Variants in TAFA1 observed in about 807,000 individuals in gnomAD.
The protein encoded by TAFA1 is chemokine-like protein TAFA-1.
A neutral mutation model predicts 18.5 loss-of-function variants in TAFA1; 4 were observed. The observed-to-expected ratio is 0.22, with a 90% CI of 0.11 to 0.49. TAFA1 has a LOEUF of 0.49. TAFA1 is among the 20% of genes least tolerant of loss of function. The pLI is 0.98. For synonymous variants in TAFA1, 56 were observed against 55.2 expected, an observed-to-expected ratio of 1.01 and a Z score of -0.06; for missense variants, 147 against 169.0, an observed-to-expected ratio of 0.87 and a Z score of 0.72.
chr3:68,250,149 T>C (rs996765652), intron 2 of TAFA1, among the ~76,000 whole-genome samples: 6 of 151,974 alleles, frequency 3.9e-5, no homozygotes, highest in African/African-American at 1.4e-4. Flanking sequence ...TCATCCAGGG[T>C]GATGATTTTA....
intron 2 of TAFA1, among the ~76,000 whole-genome samples, chr3:68,019,000 A>G (rs756872229): frequency 6.6e-6 from 1 of 152,350 alleles, no homozygotes; most frequent in East Asian, 1.9e-4. Flanking sequence ...AATGTGCTTA[A>G]TAAGTATAAA....
At chr3:68,435,523 G>C (rs1238436695) in intron 3 of TAFA1, among the ~76,000 whole-genome samples, 1 of 152,138 alleles carries the variant, frequency 6.6e-6, no homozygotes, top group Admixed American at 6.6e-5. Context: ...GCTATTCATT[G>C]TACTTAGAGC....
At chr3:68,162,185 C>A (rs2065932868) in intron 2 of TAFA1, among the ~76,000 whole-genome samples, 1 of 152,102 alleles carries the variant, frequency 6.6e-6, no homozygotes, top group South Asian at 2.1e-4. Context: ...AAAGGTTCCT[C>A]AACTCTTCTT....
chr3:68,144,962 A>G (rs1575643008), intron 2 of TAFA1: 2 of 878,072 alleles, frequency 2.3e-6, no homozygotes, highest in Non-Finnish European at 3.8e-6. Context: ...AATGACTATA[A>G]AGTGGCATCA....
chr3:68,250,132 C>T (rs190011738), intron 2 of TAFA1, among the ~76,000 whole-genome samples: 76 of 152,202 alleles, frequency 5.0e-4, no homozygotes, highest in African/African-American at 1.6e-3. Context: ...GCTTTGTCCC[C>T]GCCTCATCAT....
chr3:68,097,205 G>A (rs1559518951), intron 2 of TAFA1, among the ~76,000 whole-genome samples: 1 of 152,068 alleles, frequency 6.6e-6, no homozygotes, highest in Non-Finnish European at 1.5e-5. Context: ...CTGGGGTTGG[G>A]TTTCACTTGA....
intron 3 of TAFA1, among the ~76,000 whole-genome samples, chr3:68,481,325 G>T (rs922930922): frequency 6.6e-6 from 1 of 152,076 alleles, no homozygotes; most frequent in African/African-American, 2.4e-5. Context: ...ATGGATTGGG[G>T]GTCTATAAAC....
chr3:68,301,677 A>G (rs1355027306), intron 2 of TAFA1, among the ~76,000 whole-genome samples: 2 of 152,192 alleles, frequency 1.3e-5, no homozygotes, highest in Admixed American at 1.3e-4. Context: ...GAGCATCTGA[A>G]CTATTTAAGA....
At chr3:67,992,886 C>A in the TAFA1 span, among the ~76,000 whole-genome samples, 1 of 152,208 alleles carries the variant, frequency 6.6e-6, no homozygotes, top group African/African-American at 2.4e-5. Flanking sequence ...CCCCTCCTCC[C>A]CTGTGTTCTT....
chr3:68,346,646 T>A (rs1309086738), intron 2 of TAFA1, among the ~76,000 whole-genome samples: 1 of 152,220 alleles, frequency 6.6e-6, no homozygotes, highest in Non-Finnish European at 1.5e-5. Context: ...TGAGGCTCTA[T>A]CATCTGACAA....
At chr3:68,235,997 G>A (rs2066923471) in intron 2 of TAFA1, among the ~76,000 whole-genome samples, 2 of 152,022 alleles carry the variant, frequency 1.3e-5, no homozygotes, top group South Asian at 4.2e-4. Flanking sequence ...ATTTGTTTAA[G>A]CTGATTTGAG....
chr3:68,538,423 C>T (rs1217911305), intron 3 of TAFA1, among the ~76,000 whole-genome samples: 2 of 152,082 alleles, frequency 1.3e-5, no homozygotes, highest in Admixed American at 1.3e-4. Flanking sequence ...TTAGCTTAGC[C>T]TATGCCCAGG....
intron 2 of TAFA1, among the ~76,000 whole-genome samples, chr3:68,257,776 G>A (rs144324024): frequency 1.2e-4 from 18 of 152,074 alleles, no homozygotes; most frequent in African/African-American, 4.3e-4. Context: ...CTGAAATGAT[G>A]GTAAAAATAG....
intron 2 of TAFA1, among the ~76,000 whole-genome samples, chr3:68,332,454 C>T (rs1018391888): frequency 5.3e-5 from 8 of 151,994 alleles, no homozygotes; most frequent in African/African-American, 1.7e-4. Context: ...GCAAAGAAAA[C>T]AGTCAACAAA....
chr3:68,177,023 C>T (rs1020561920), intron 2 of TAFA1, among the ~76,000 whole-genome samples: 2 of 151,940 alleles, frequency 1.3e-5, no homozygotes, highest in African/African-American at 2.4e-5. Flanking sequence ...GGTATTTTCA[C>T]CGAAGTCTTC....
At chr3:68,519,565 G>GT (rs1338073577) in intron 3 of TAFA1, among the ~76,000 whole-genome samples, 1 of 152,202 alleles carries the variant, frequency 6.6e-6, no homozygotes, top group Non-Finnish European at 1.5e-5. Flanking sequence ...TCAGGCTGCT[G>GT]TAACAAAGTA....
intron 2 of TAFA1, among the ~76,000 whole-genome samples, chr3:68,079,511 T>C (rs553371622): frequency 2.2e-4 from 33 of 152,346 alleles, no homozygotes; most frequent in Admixed American, 2.2e-3. Flanking sequence ...TGGTATGTTG[T>C]GTCTTTGTTC....
At chr3:68,089,963 A>C (rs931435804) in intron 2 of TAFA1, among the ~76,000 whole-genome samples, 1 of 152,314 alleles carries the variant, frequency 6.6e-6, no homozygotes, top group East Asian at 1.9e-4. Context: ...ACCTCCTAAG[A>C]TTCCCTCTTA....
At chr3:68,040,129 C>T (rs563443204) in intron 2 of TAFA1, among the ~76,000 whole-genome samples, 9 of 152,248 alleles carry the variant, frequency 5.9e-5, no homozygotes, top group Admixed American at 2.6e-4. Flanking sequence ...GTGTTTATGG[C>T]TATATTTTAA....
Sources: gnomAD v4.1 joint callset for allele counts (sites outside exome capture counted in the v4.1 genomes callset) on GRCh38, gnomAD v4.1.1 for gene constraint, MANE v1.5 for transcripts, NCBI Gene and HGNC (gene_info 2026-07-23, HGNC 2026-07-21) for gene names.